SPIN2B: variants seen among roughly 807,000 people sequenced by gnomAD.
The protein encoded by SPIN2B is spindlin-2B.
A neutral mutation model predicts 9.3 loss-of-function variants in SPIN2B; 1 was observed. The observed-to-expected ratio is 0.11, with a 90% CI of 0.04 to 0.51. The LOEUF is 0.51. SPIN2B is among the 20% of genes least tolerant of loss of function. SPIN2B has a pLI of 0.94. For missense variants in SPIN2B, 32 were observed against 174.0 expected (o/e 0.18, Z 4.59); for synonymous variants, 15 against 63.4 (o/e 0.24, Z 3.63).
Position 57,119,823 on chromosome X carries a change from C to T in SPIN2B, c.*30G>A. On this transcript the variant is annotated 3_prime_UTR_variant, in exon 2 of 2. Coordinates refer to ENST00000434397, the MANE Select transcript of SPIN2B (RefSeq NM_001006681.2). Reference sequence around the variant, plus strand: ...ATGTCTACAAATTATACATTTGTTTCCACACATGTGCCAAATTTTACCCTA... The same window carrying T: ...ATGTCTACAAATTATACATTTGTTTTCACACATGTGCCAAATTTTACCCTA... 1.7e-6 allele frequency: 2 copies of T among 1,168,284 alleles called. No homozygotes were observed. The highest frequency in any genetic ancestry group is 2.3e-6 in the Non-Finnish European group (2 of 875,138).
rs2146898023 is a variant in SPIN2B, at chrX:57,121,275, C to G, written c.-40G>C. ...CCACCGCCGGGGATCGCGGGCCTCA[C>G]GTGCCCAAATCGGACACCTCGCTGC... On this transcript the variant is annotated 5_prime_UTR_variant, in exon 1 of 2. Coordinates refer to ENST00000434397, the MANE Select transcript of SPIN2B (RefSeq NM_001006681.2). 2.6e-6 allele frequency: 2 copies of G among 758,719 alleles called. No individual in the cohort carries two copies. Among genetic ancestry groups the G allele is most frequent in the South Asian group, 6.5e-5 (1 of 15,338 alleles). 62.5% of individuals were successfully genotyped at this position (758,719 alleles called of 1,213,427 possible). A position where few individuals can be genotyped will look rare whatever the true frequency, so the allele number is the denominator to read the frequency against.
chrX:57,119,754 G>T lies in SPIN2B; in HGVS notation c.*99C>A. 1.7e-6 allele frequency: 2 copies of T among 1,146,154 alleles called. No homozygotes were observed. The highest frequency in any genetic ancestry group is 4.3e-5 in the South Asian group (2 of 46,532). 94.5% of individuals were successfully genotyped at this position (1,146,154 alleles called of 1,213,427 possible). ...GCTGGCAAAGATGTTTAGTTATCAGGGATTCCATAAGCTTTCAATACACTG... is the reference window on the plus strand; with the variant it reads ...GCTGGCAAAGATGTTTAGTTATCAGTGATTCCATAAGCTTTCAATACACTG... On this transcript the variant is annotated 3_prime_UTR_variant, in exon 2 of 2. Coordinates refer to ENST00000434397, the MANE Select transcript of SPIN2B (RefSeq NM_001006681.2).
At chrX:57,121,164 C>G in intron 1 of SPIN2B, 74 bp downstream of exon 1, 3 of 771,200 alleles carry the variant, frequency 3.9e-6, no homozygotes, top group Non-Finnish European at 4.6e-6. Flanking sequence ...GCCTGGCGCC[C>G]AACTCCACCC....
In SPIN2B at chrX:57,119,763, A is replaced by C; in HGVS notation, c.*90T>G. 8.6e-7 allele frequency: 1 copy of C among 1,156,294 alleles called. No individual in the cohort carries two copies. On this transcript the variant is annotated 3_prime_UTR_variant, in exon 2 of 2. Transcript: ENST00000434397. ...GATGTTTAGTTATCAGGGATTCCAT[A>C]AGCTTTCAATACACTGAAAGGCAAC...
chrX:57,121,375 G>A lies in SPIN2B; in HGVS notation c.-140C>T, dbSNP rs1927178892. ...GAGTGAATGCTTGCAAGAGCGGGGA[G>A]GGTAGGATCCGTAGATGAGGAGCGT... On this transcript the variant is annotated 5_prime_UTR_variant, in exon 1 of 2. Transcript: ENST00000434397. 1.5e-6 allele frequency: 1 copy of A among 677,511 alleles called. No homozygotes were observed. The allele number at this position is 677,511 out of a possible 1,213,427, so 55.8% of individuals were successfully genotyped here.
chrX:57,121,392 G>A lies in SPIN2B; in HGVS notation c.-157C>T. The stretch of plus-strand genomic sequence containing the variant: ...AGCGGGGAGGGTAGGATCCGTAGAT[G>A]AGGAGCGTGTCTAGGAGGGCGGCGA... On this transcript the variant is annotated 5_prime_UTR_variant, in exon 1 of 2. Coordinates refer to ENST00000434397, the MANE Select transcript of SPIN2B (RefSeq NM_001006681.2). The A allele has an allele frequency of 1.6e-6, 1 of 628,598 alleles. No homozygotes were observed. The highest frequency in any genetic ancestry group is 2.4e-5 in the African/African-American group (1 of 41,605). 51.8% of individuals were successfully genotyped at this position (628,598 alleles called of 1,213,427 possible). A position where few individuals can be genotyped will look rare whatever the true frequency, so the allele number is the denominator to read the frequency against.
rs1736864 is a variant in SPIN2B, at chrX:57,119,689, C to T, written c.*164G>A. 9.5e-7 allele frequency: 1 copy of T among 1,050,947 alleles called. No individual in the cohort carries two copies. Among genetic ancestry groups the T allele is most frequent in the Non-Finnish European group, 1.3e-6 (1 of 797,066 alleles). 86.6% of individuals were successfully genotyped at this position (1,050,947 alleles called of 1,213,427 possible). A position where few individuals can be genotyped will look rare whatever the true frequency, so the allele number is the denominator to read the frequency against. On this transcript the variant is annotated 3_prime_UTR_variant, in exon 2 of 2. Transcript: ENST00000434397. Reference sequence around the variant, plus strand: ...GGGCTTACACACAGCATGTCATGTACACACAAGTTTGTATTTTTTAGAGCA... The same window carrying T: ...GGGCTTACACACAGCATGTCATGTATACACAAGTTTGTATTTTTTAGAGCA...
At position 57,121,346 on chromosome X, in the gene SPIN2B, G is replaced by A. The variant is rs1218191609; in HGVS notation, c.-111C>T. Reference sequence around the variant, plus strand: ...GGCGAAGGAGGGTCAGCAGGCGACCGGCCGAGTGAATGCTTGCAAGAGCGG... The same window carrying A: ...GGCGAAGGAGGGTCAGCAGGCGACCAGCCGAGTGAATGCTTGCAAGAGCGG... On this transcript the variant is annotated 5_prime_UTR_variant, in exon 1 of 2. Coordinates refer to ENST00000434397, the MANE Select transcript of SPIN2B (RefSeq NM_001006681.2). 3 of 728,505 alleles carry A rather than the reference G, an allele frequency of 4.1e-6. No individual in the cohort carries two copies. The highest frequency in any genetic ancestry group is 1.4e-4 in the South Asian group (2 of 14,393). 60.0% of individuals were successfully genotyped at this position (728,505 alleles called of 1,213,427 possible). A position where few individuals can be genotyped will look rare whatever the true frequency, so the allele number is the denominator to read the frequency against.
chrX:57,119,777 C>T lies in SPIN2B; in HGVS notation c.*76G>A, dbSNP rs753262603. 3.0e-4 allele frequency: 353 copies of T among 1,167,845 alleles called. 1 individual carries two copies. In the South Asian group the frequency reaches 4.8e-3, roughly 16 times the overall value. The stretch of plus-strand genomic sequence containing the variant: ...AGGGATTCCATAAGCTTTCAATACA[C>T]TGAAAGGCAACATTTTTTGCATGTC... On this transcript the variant is annotated 3_prime_UTR_variant, in exon 2 of 2. Transcript: ENST00000434397.
Position 57,121,380 on chromosome X carries a change from G to T in SPIN2B, c.-145C>A. The T allele has an allele frequency of 1.5e-6, 1 of 661,789 alleles. No homozygotes were observed. Among genetic ancestry groups the T allele is most frequent in the Non-Finnish European group, 1.8e-6 (1 of 553,967 alleles). 54.5% of individuals were successfully genotyped at this position (661,789 alleles called of 1,213,427 possible). ...AATGCTTGCAAGAGCGGGGAGGGTA[G>T]GATCCGTAGATGAGGAGCGTGTCTA... On this transcript the variant is annotated 5_prime_UTR_variant, in exon 1 of 2. Coordinates refer to ENST00000434397, the MANE Select transcript of SPIN2B (RefSeq NM_001006681.2).
chrX:57,119,685 T>C lies in SPIN2B; in HGVS notation c.*168A>G, dbSNP rs1459716292. 1.3e-5 allele frequency: 13 copies of C among 1,033,232 alleles called. No individual in the cohort carries two copies. The highest frequency in any genetic ancestry group is 1.4e-5 in the Non-Finnish European group (11 of 782,566). The allele number at this position is 1,033,232 out of a possible 1,213,427, so 85.1% of individuals were successfully genotyped here. ...CAAAGGGCTTACACACAGCATGTCA[T>C]GTACACACAAGTTTGTATTTTTTAG... On this transcript the variant is annotated 3_prime_UTR_variant, in exon 2 of 2. Transcript: ENST00000434397.
At position 57,119,937 on chromosome X, in the gene SPIN2B, T is replaced by C. The variant is rs764432914; in HGVS notation, c.693A>G (p.Gln231=). ...AATACACAGAGGGTTTGGCTTCCAC[T>C]TGGTGAATGACCATGCCGATCCTTT... The part of the protein sequence containing the change: ...GSKRIGMVIH[Q]VEAKPSVYFI... The change falls in exon 2 of 2, where the codon CAA becomes CAG. Residue 231 remains glutamine (Q), a synonymous_variant. Coordinates refer to ENST00000434397, the MANE Select transcript of SPIN2B (RefSeq NM_001006681.2). The C allele has an allele frequency of 1.1e-5, 13 of 1,212,094 alleles. No individual in the cohort carries two copies. The highest frequency in any genetic ancestry group is 1.1e-5 in the Non-Finnish European group (10 of 895,628).
rs1310953874 is a variant in SPIN2B at position 57,121,527 on chromosome X, G to C, written c.-292C>G. Reference sequence around the variant, plus strand: ...CCACATCGGGATTCCACCAGTCCCTGCTGTCGCCGCGGCAGTCTCCTCCCT... The same window carrying C: ...CCACATCGGGATTCCACCAGTCCCTCCTGTCGCCGCGGCAGTCTCCTCCCT... On this transcript the variant is annotated 5_prime_UTR_variant, in exon 1 of 2. Coordinates refer to ENST00000434397, the MANE Select transcript of SPIN2B (RefSeq NM_001006681.2). The C allele has an allele frequency of 8.4e-6, 1 of 119,297 alleles. No homozygotes were observed. The highest frequency in any genetic ancestry group is 1.7e-5 in the Non-Finnish European group (1 of 59,550). 9.8% of individuals were successfully genotyped at this position (119,297 alleles called of 1,213,427 possible). A position where few individuals can be genotyped will look rare whatever the true frequency, so the allele number is the denominator to read the frequency against.
chrX:57,121,081 C>G (rs1927125380), intron 1 of SPIN2B, 157 bp downstream of exon 1: 1 of 754,535 alleles, frequency 1.3e-6, no homozygotes, highest in Non-Finnish European at 1.6e-6. Context: ...CGGCGCTCAC[C>G]TTCAAATCCT....
chrX:57,119,974 T>C lies in SPIN2B; in HGVS notation c.656A>G (p.Glu219Gly). The C allele has an allele frequency of 8.3e-7, 1 of 1,211,206 alleles. No homozygotes were observed. Among genetic ancestry groups the C allele is most frequent in the Non-Finnish European group, 1.1e-6 (1 of 895,445 alleles). Reference sequence around the variant, plus strand: ...CATGCCGATCCTTTTGGAGCCATCTTCTTTGGTATATTCCACATGCTTACC... The same window carrying C: ...CATGCCGATCCTTTTGGAGCCATCTCCTTTGGTATATTCCACATGCTTACC... ...LIGKHVEYTKEDGSKRIGMVI... is the reference protein window; with the variant it reads ...LIGKHVEYTKGDGSKRIGMVI... Residue 219 changes from glutamate to glycine, a missense_variant, in exon 2 of 2, where the codon GAA becomes GGA. Transcript: ENST00000434397.
rs1927177549 is a variant in SPIN2B, at chrX:57,121,370, G to T, written c.-135C>A. On this transcript the variant is annotated 5_prime_UTR_variant, in exon 1 of 2. Transcript: ENST00000434397. ...CGGCCGAGTGAATGCTTGCAAGAGC[G>T]GGGAGGGTAGGATCCGTAGATGAGG... 4.4e-6 allele frequency: 3 copies of T among 677,745 alleles called. No homozygotes were observed. Among genetic ancestry groups the T allele is most frequent in the Admixed American group, 8.2e-5 (1 of 12,162 alleles). The allele number at this position is 677,745 out of a possible 1,213,427, so 55.9% of individuals were successfully genotyped here. A position where few individuals can be genotyped will look rare whatever the true frequency, so the allele number is the denominator to read the frequency against.
rs1926949132 is a variant in SPIN2B, at chrX:57,119,693, C to A, written c.*160G>T. ...TTACACACAGCATGTCATGTACACACAAGTTTGTATTTTTTAGAGCAAAAC... is the reference window on the plus strand; with the variant it reads ...TTACACACAGCATGTCATGTACACAAAAGTTTGTATTTTTTAGAGCAAAAC... On this transcript the variant is annotated 3_prime_UTR_variant, in exon 2 of 2. Coordinates refer to ENST00000434397, the MANE Select transcript of SPIN2B (RefSeq NM_001006681.2). 4.7e-6 allele frequency: 5 copies of A among 1,063,321 alleles called. No individual in the cohort carries two copies. Among genetic ancestry groups the A allele is most frequent in the Non-Finnish European group, 6.2e-6 (5 of 807,980 alleles). 87.6% of individuals were successfully genotyped at this position (1,063,321 alleles called of 1,213,427 possible). A position where few individuals can be genotyped will look rare whatever the true frequency, so the allele number is the denominator to read the frequency against.
Position 57,121,485 on chromosome X carries a change from C to T in SPIN2B, c.-250G>A, listed in dbSNP as rs757783330. The T allele has an allele frequency of 4.7e-5, 8 of 170,931 alleles. No individual in the cohort carries two copies. In the East Asian group the frequency reaches 7.8e-4, roughly 17 times the overall value. 14.1% of individuals were successfully genotyped at this position (170,931 alleles called of 1,213,427 possible). A position where few individuals can be genotyped will look rare whatever the true frequency, so the allele number is the denominator to read the frequency against. On this transcript the variant is annotated 5_prime_UTR_variant, in exon 1 of 2. Coordinates refer to ENST00000434397, the MANE Select transcript of SPIN2B (RefSeq NM_001006681.2). ...CGCTAGCCCTCCGCCTCCCTGCTGG[C>T]GGTGGCGGCCCCTCAGCCACATCGG...
Position 57,119,776 on chromosome X carries a change from A to T in SPIN2B, c.*77T>A. ...CAGGGATTCCATAAGCTTTCAATAC[A>T]CTGAAAGGCAACATTTTTTGCATGT... On this transcript the variant is annotated 3_prime_UTR_variant, in exon 2 of 2. Coordinates refer to ENST00000434397, the MANE Select transcript of SPIN2B (RefSeq NM_001006681.2). 8.6e-7 allele frequency: 1 copy of T among 1,168,953 alleles called. No individual in the cohort carries two copies. The highest frequency in any genetic ancestry group is 1.1e-6 in the Non-Finnish European group (1 of 873,662).
Sources: allele counts gnomAD v4.1 joint callset, GRCh38; gene constraint gnomAD v4.1.1; transcripts MANE v1.5; gene names NCBI Gene and HGNC (gene_info 2026-07-23, HGNC 2026-07-21).